UTP20: variants seen among roughly 807,000 people sequenced by gnomAD.
The protein encoded by UTP20 is UTP20 small subunit processome component, also known as small subunit processome component 20 homolog.
Under a neutral mutation model 329.5 loss-of-function variants are expected in UTP20, and 164 were observed. The ratio of observed to expected loss-of-function variants is 0.50; its 90% CI spans 0.44 to 0.57. The LOEUF is 0.57. Among genes scored for constraint, UTP20 ranks in the 20% least tolerant of loss-of-function variants. UTP20 has a pLI of 0.00. For synonymous variants in UTP20, 1,151 were observed against 1,159.3 expected (o/e 0.99, Z 0.14); for missense variants, 3,055 against 3,284.2 (o/e 0.93, Z 1.71).
chr12:101,351,043 G>T (rs1182011589), intron 38 of UTP20, among the ~76,000 whole-genome samples: 1 of 151,968 alleles, frequency 6.6e-6, no homozygotes, highest in Non-Finnish European at 1.5e-5. Context: ...TAATTAATAA[G>T]CCTCACTTTA....
chr12:101,352,259 A>G (rs1274369424), intron 39 of UTP20, 65 bp downstream of exon 39: 5 of 1,493,230 alleles, frequency 3.3e-6, no homozygotes, highest in African/African-American at 1.4e-5. Context: ...ATAGTATTCC[A>G]TGGTATATAT....
chr12:101,294,725 T>C (rs1443139102), intron 11 of UTP20, among the ~76,000 whole-genome samples: 1 of 152,048 alleles, frequency 6.6e-6, no homozygotes, highest in Non-Finnish European at 1.5e-5. Context: ...GTATTTTTAG[T>C]AGAGACGGGG....
chr12:101,285,405 A>AT (rs1374869330), intron 2 of UTP20, among the ~76,000 whole-genome samples, 165 bp from the exon 3 acceptor site: 1 of 152,140 alleles, frequency 6.6e-6, no homozygotes, highest in Non-Finnish European at 1.5e-5. Flanking sequence ...ATAACTTCTG[A>AT]TTGCTTTTTA....
chr12:101,309,969 CT>C, intron 19 of UTP20, 130 bp downstream of exon 19: 1 of 714,338 alleles, frequency 1.4e-6, no homozygotes. Context: ...ACTTTAAATC[CT>C]TTGTGAGACA....
rs745890053 is a variant in UTP20 at position 101,366,550 on chromosome 12, A to G, written c.6126-8A>G. 1 of 1,608,594 alleles carries G rather than the reference A, an allele frequency of 6.2e-7. No homozygotes were observed. Among genetic ancestry groups the G allele is most frequent in the African/African-American group, 1.3e-5 (1 of 74,572 alleles). ...CTTTACCCTCTTCTCATGCCACGTG[A>G]TTGACAGAAATCCAGTAGCCCCAGC... On this transcript the variant is annotated splice_polypyrimidine_tract_variant and splice_region_variant and intron_variant, in intron 46 of 61. Coordinates refer to ENST00000261637, the MANE Select transcript of UTP20 (RefSeq NM_014503.3).
chr12:101,361,666 AATAAAT>A (rs1350440549), intron 43 of UTP20, among the ~76,000 whole-genome samples: 1,246 of 110,944 alleles, frequency 0.011, 13 homozygotes, highest in African/African-American at 0.024. Context: ...TAAATAAATA[AATAAAT>A]AAATAAAGTT....
At chr12:101,292,854 A>G (rs113058240) in intron 10 of UTP20, among the ~76,000 whole-genome samples, 116 of 152,340 alleles carry the variant, frequency 7.6e-4, no homozygotes, top group African/African-American at 2.4e-3. Flanking sequence ...GTAGGATTGG[A>G]AATAGAAAGG....
At chr12:101,379,327 AG>A in intron 56 of UTP20, 43 bp from the exon 57 acceptor site, 1 of 1,508,640 alleles carries the variant, frequency 6.6e-7, no homozygotes, top group South Asian at 1.3e-5. Flanking sequence ...ACCTCTAATC[AG>A]GAAGGCCATG....
Position 101,356,567 on chromosome 12 carries a change from A to C in UTP20, c.5408A>C (p.Glu1803Ala). 6.2e-7 allele frequency: 1 copy of C among 1,611,278 alleles called. No individual in the cohort carries two copies. The highest frequency in any genetic ancestry group is 8.5e-7 in the Non-Finnish European group (1 of 1,179,046). Residue 1803 changes from glutamate (E) to alanine (A), a missense_variant, in exon 42 of 62, where the codon GAA becomes GCA. This residue lies in a region of UTP20 where 2,445 missense variants were observed against 2,575.5 expected (regional missense o/e 0.95). Transcript: ENST00000261637. ...TTTTTCTTACAGACTAAAAGGGAAGAAGAACACAAGCTTGTCAAGTCAAAG... is the reference window on the plus strand; with the variant it reads ...TTTTTCTTACAGACTAAAAGGGAAGCAGAACACAAGCTTGTCAAGTCAAAG... ...KCLASTTKRE[E>A]EHKLVKSKVV... is the part of the protein sequence containing the mutation.
At position 101,347,501 on chromosome 12, in the gene UTP20, C is replaced by T. The variant is rs1039085770; in HGVS notation, c.4884+913C>T. On this transcript the variant is annotated intron_variant, in intron 38 of 61. Coordinates refer to ENST00000261637, the MANE Select transcript of UTP20 (RefSeq NM_014503.3). ...TTACGCTACTGCACTCCAGCCTGGG[C>T]GACAGAGCGAGACTATTTGAAAAAA... Among the ~76,000 whole-genome samples the T allele has an allele frequency of 9.2e-5, 14 of 151,594 alleles. No individual in the cohort carries two copies. In the East Asian group the frequency reaches 1.2e-3, roughly 13 times the overall value.
chr12:101,372,821 C>T, intron 51 of UTP20, 63 bp from the exon 52 acceptor site: 2 of 1,389,674 alleles, frequency 1.4e-6, no homozygotes, highest in Non-Finnish European at 2.0e-6. Flanking sequence ...CAGAAAGCAG[C>T]TTAGGAAACA....
At chr12:101,355,187 A>C in intron 41 of UTP20, 69 bp downstream of exon 41, 1 of 1,504,804 alleles carries the variant, frequency 6.6e-7, no homozygotes, top group Non-Finnish European at 9.0e-7. Flanking sequence ...TGTCACACTG[A>C]GGCTCTTGGT....
At chr12:101,333,523 C>A in intron 28 of UTP20, 79 bp downstream of exon 28, 1 of 1,525,546 alleles carries the variant, frequency 6.6e-7, no homozygotes, top group South Asian at 1.3e-5. Context: ...AGCTACCACC[C>A]AGACATGAAT....
At chr12:101,327,359 C>G (rs1430039221) in intron 26 of UTP20, 112 bp downstream of exon 26, 3 of 1,089,724 alleles carry the variant, frequency 2.8e-6, no homozygotes, top group Non-Finnish European at 3.7e-6. Flanking sequence ...TTGTTCCTCC[C>G]AATCTTGATG....
At chr12:101,371,009 C>A in intron 50 of UTP20, 49 bp from the exon 51 acceptor site, 1 of 1,545,766 alleles carries the variant, frequency 6.5e-7, no homozygotes, top group Non-Finnish European at 8.9e-7. Context: ...TTCCACGCAT[C>A]TGCAGCAAAA....
intron 43 of UTP20, among the ~76,000 whole-genome samples, chr12:101,359,818 C>CCACT (rs897114607): frequency 1.3e-5 from 2 of 152,146 alleles, no homozygotes; most frequent in African/African-American, 4.8e-5. Context: ...CAAGCAATGG[C>CCACT]AGCACAGAAA....
chr12:101,326,282 G>GT (rs1868547812), intron 25 of UTP20, among the ~76,000 whole-genome samples: 1 of 152,128 alleles, frequency 6.6e-6, no homozygotes, highest in Non-Finnish European at 1.5e-5. Flanking sequence ...TTTTATGTTT[G>GT]TAAGCAAGAT....
At chr12:101,351,284 G>A (rs978287933) in intron 38 of UTP20, among the ~76,000 whole-genome samples, 7 of 152,024 alleles carry the variant, frequency 4.6e-5, no homozygotes, top group Non-Finnish European at 8.8e-5. Flanking sequence ...ACACCACCAT[G>A]CCCAGCTAAT....
chr12:101,362,135 A>C, intron 44 of UTP20, 75 bp downstream of exon 44: 2 of 1,041,008 alleles, frequency 1.9e-6, no homozygotes, highest in Non-Finnish European at 3.0e-6. Context: ...TCACCAAATA[A>C]GAAATAATAA....
Sources: allele counts gnomAD v4.1 joint callset (sites outside exome capture counted in the v4.1 genomes callset), GRCh38; gene constraint gnomAD v4.1.1; regional missense constraint gnomAD v4.1.1; transcripts MANE v1.5; gene names NCBI Gene and HGNC (gene_info 2026-07-23, HGNC 2026-07-21).